C6orf52: variants seen among roughly 807,000 people sequenced by gnomAD.
The protein encoded by C6orf52 is putative uncharacterized protein C6orf52.
In C6orf52, 16 loss-of-function variants were observed where a neutral mutation model predicts 16.6. The observed-to-expected ratio is 0.96, with a 90% confidence interval of 0.65 to 1.46. The LOEUF is 1.46. Among genes scored for constraint, C6orf52 ranks in the 40% most tolerant of loss-of-function variants. C6orf52 has a pLI of 0.00. For synonymous variants in C6orf52, 53 were observed against 61.4 expected (o/e 0.86, Z 0.64); for missense variants, 166 against 182.3 (o/e 0.91, Z 0.52).
intron 4 of C6orf52, chr6:10,674,565 C>G (rs1166575299): frequency 6.6e-6 from 1 of 151,788 alleles, no homozygotes. Flanking sequence ...GATCAAATAA[C>G]TACCTCACAT....
At chr6:10,673,790 G>C (rs1003321150) in intron 4 of C6orf52, among the ~76,000 whole-genome samples, 2 of 152,116 alleles carry the variant, frequency 1.3e-5, no homozygotes, top group African/African-American at 4.8e-5. Flanking sequence ...TCTGCTTGAA[G>C]GTAATGTCTG....
upstream of C6orf52, chr6:10,694,681 T>A (rs73439096): frequency 6.5e-6 from 2 of 306,244 alleles, no homozygotes; most frequent in Non-Finnish European, 1.2e-5. Context: ...GCCCGCTCCC[T>A]TCAGACGGGC....
At chr6:10,674,044 G>A (rs986909936) in intron 4 of C6orf52, among the ~76,000 whole-genome samples, 4 of 152,120 alleles carry the variant, frequency 2.6e-5, no homozygotes, top group Non-Finnish European at 5.9e-5. Context: ...TCTGGAAACC[G>A]GAAGTCCAAG....
At chr6:10,678,672 G>A (rs899917088) in intron 4 of C6orf52, among the ~76,000 whole-genome samples, 2 of 152,134 alleles carry the variant, frequency 1.3e-5, no homozygotes, top group African/African-American at 4.8e-5. Flanking sequence ...GGCTGGGCAT[G>A]GTGGCTTATG....
In C6orf52 at chr6:10,690,326, T is replaced by A. The variant is rs371764494; in HGVS notation, c.-11-2765A>T. Among the ~76,000 whole-genome samples, 5 of 152,284 alleles carry A rather than the reference T, an allele frequency of 3.3e-5. 1 individual carries two copies. Among genetic ancestry groups the A allele is most frequent in the African/African-American group, 9.6e-5 (4 of 41,540 alleles). On this transcript the variant is annotated intron_variant, in intron 1 of 4. Transcript: ENST00000259983. ...CTCCCATGAATCAGGTGAAGCAAAT[T>A]TCTATTGGGGCACACTACTGGACAG... is the stretch of plus-strand genomic sequence containing the variant.
In C6orf52 at chr6:10,671,488, G is replaced by A; in HGVS notation, c.427C>T (p.His143Tyr). Residue 143 changes from histidine to tyrosine, a missense_variant, in exon 5 of 5, where the codon CAC becomes TAC. By Grantham distance (83) the His-to-Tyr change is moderately conservative. Coordinates refer to ENST00000259983, the MANE Select transcript of C6orf52 (RefSeq NM_001145020.3). ...GGGGTCTCATCTGGGATTTCGGAGT[G>A]AACTGTGTCCAGAGGCTGCCAGTGG... ...NCHWQPLDTV[H>Y]SEIPDETPK 1.3e-6 allele frequency: 2 copies of A among 1,549,362 alleles called. No homozygotes were observed. Among genetic ancestry groups the A allele is most frequent in the South Asian group, 2.4e-5 (2 of 83,468 alleles).
At chr6:10,689,624 G>C (rs948545778) in intron 1 of C6orf52, among the ~76,000 whole-genome samples, 3 of 152,164 alleles carry the variant, frequency 2.0e-5, no homozygotes, top group Non-Finnish European at 4.4e-5. Flanking sequence ...TAGTAGAAGG[G>C]GATAGGGGAA....
chr6:10,676,759 C>CT (rs1469903458), intron 4 of C6orf52, among the ~76,000 whole-genome samples: 1 of 152,202 alleles, frequency 6.6e-6, no homozygotes, highest in East Asian at 1.9e-4. Context: ...CCTACTTTTC[C>CT]TTTTCGGAGG....
intron 3 of C6orf52, chr6:10,684,919 G>A: frequency 1.6e-6 from 2 of 1,281,420 alleles, no homozygotes; most frequent in African/African-American, 1.5e-5. Context: ...TGGCACAGGG[G>A]GTCACTACAG....
chr6:10,687,690 T>C (rs1768979333), intron 1 of C6orf52, 129 bp from the exon 2 acceptor site: 2 of 667,270 alleles, frequency 3.0e-6, no homozygotes, highest in Non-Finnish European at 5.3e-6. Context: ...TAGTGGCAAT[T>C]CCTGCTAGGC....
intron 4 of C6orf52, among the ~76,000 whole-genome samples, chr6:10,676,918 C>T (rs1767945778): frequency 6.6e-6 from 1 of 152,192 alleles, no homozygotes; most frequent in Non-Finnish European, 1.5e-5. Context: ...GAAGATGCCT[C>T]TTCATAATCA....
rs77417754 is a variant in C6orf52 at position 10,692,075 on chromosome 6, G to C, written c.-12+2419C>G. 1.9e-3 allele frequency among the ~76,000 whole-genome samples: 292 copies of C among 152,284 alleles called. 1 individual carries two copies. Among genetic ancestry groups the C allele is most frequent in the African/African-American group, 6.8e-3 (283 of 41,536 alleles). On this transcript the variant is annotated intron_variant, in intron 1 of 4. Coordinates refer to ENST00000259983, the MANE Select transcript of C6orf52 (RefSeq NM_001145020.3). ...TTAATACTTCTCAAACAGCAGTTGA[G>C]ATGTCCCTGGGGTAAGGAGACAGGG... is the stretch of plus-strand genomic sequence containing the variant.
intron 1 of C6orf52, among the ~76,000 whole-genome samples, chr6:10,690,872 AG>A (rs1004770233): frequency 3.3e-5 from 5 of 152,236 alleles, no homozygotes; most frequent in African/African-American, 1.2e-4. Flanking sequence ...GAGGATTTAC[AG>A]GAAGTTATGC....
At chr6:10,692,469 G>A (rs904824033) in intron 1 of C6orf52, among the ~76,000 whole-genome samples, 3 of 152,042 alleles carry the variant, frequency 2.0e-5, no homozygotes, top group Admixed American at 2.0e-4. Context: ...TTTTGAGACA[G>A]TCTCACTCTT....
At chr6:10,673,283 T>G (rs1300690504) in intron 4 of C6orf52, among the ~76,000 whole-genome samples, 1 of 152,174 alleles carries the variant, frequency 6.6e-6, no homozygotes, top group African/African-American at 2.4e-5. Flanking sequence ...AAAACAGATA[T>G]AGTGTGGTCA....
chr6:10,680,157 G>A (rs1768249531), intron 4 of C6orf52, among the ~76,000 whole-genome samples: 1 of 152,134 alleles, frequency 6.6e-6, no homozygotes, highest in African/African-American at 2.4e-5. Context: ...GGGAGGCTGA[G>A]ATGGGAGGAT....
At chr6:10,691,454 GACAGGGATTTTC>G in intron 1 of C6orf52, among the ~76,000 whole-genome samples, 1 of 152,236 alleles carries the variant, frequency 6.6e-6, no homozygotes, top group South Asian at 2.1e-4. Context: ...AACAGAACAG[GACAGGGATTTTC>G]ACAGTGCTTT....
At chr6:10,682,604 T>C (rs1331820492) in intron 4 of C6orf52, among the ~76,000 whole-genome samples, 2 of 152,218 alleles carry the variant, frequency 1.3e-5, no homozygotes, top group African/African-American at 4.8e-5. Flanking sequence ...AGACATGTGA[T>C]AAGAAAAAGG....
chr6:10,692,661 G>T (rs1298410076), intron 1 of C6orf52, among the ~76,000 whole-genome samples: 1 of 152,050 alleles, frequency 6.6e-6, no homozygotes, highest in Non-Finnish European at 1.5e-5. Context: ...GGATGGTCTC[G>T]ATCTCTTGAT....
Sources: gnomAD v4.1 joint callset for allele counts (sites outside exome capture counted in the v4.1 genomes callset) on GRCh38, gnomAD v4.1.1 for gene constraint, MANE v1.5 for transcripts, NCBI Gene and HGNC (gene_info 2026-07-23, HGNC 2026-07-21) for gene names.